Variants in RBMS1 observed in about 807,000 individuals in gnomAD.
RBMS1 encodes RNA-binding motif, single-stranded-interacting protein 1.
In RBMS1, 17 loss-of-function variants were observed where a neutral mutation model predicts 62.3. The ratio of observed to expected loss-of-function variants is 0.27; its 90% confidence interval spans 0.19 to 0.41. RBMS1 has a LOEUF of 0.41. RBMS1 is among the 10% of genes least tolerant of loss of function. The pLI, the probability that RBMS1 is intolerant of heterozygous loss-of-function variation, is 1.00. For missense variants in RBMS1, 334 were observed against 504.5 expected (o/e 0.66, Z 3.24); for synonymous variants, 172 against 170.0 (o/e 1.01, Z -0.09).
intron 2 of RBMS1, among the ~76,000 whole-genome samples, chr2:160,337,335 T>C (rs1691636153): frequency 6.6e-6 from 1 of 152,034 alleles, no homozygotes. Context: ...GGTTTCACCA[T>C]GTTGGCCAGG....
intron 1 of RBMS1, among the ~76,000 whole-genome samples, chr2:160,373,841 G>A (rs1378228608): frequency 6.6e-6 from 1 of 152,158 alleles, no homozygotes; most frequent in African/African-American, 2.4e-5. Flanking sequence ...TAATGGTGTA[G>A]TACAGTACAG....
intron 9 of RBMS1, 166 bp downstream of exon 9, chr2:160,284,609 A>AT (rs1688267826): frequency 1.6e-6 from 1 of 627,788 alleles, no homozygotes; most frequent in Non-Finnish European, 2.9e-6. Flanking sequence ...CTATACATAA[A>AT]TTGCTCTGCC....
intron 1 of RBMS1, among the ~76,000 whole-genome samples, chr2:160,457,914 G>C (rs1201834417): frequency 6.6e-6 from 1 of 151,816 alleles, no homozygotes; most frequent in Non-Finnish European, 1.5e-5. Context: ...AGGTTTCTCT[G>C]ACTCATTTTT....
chr2:160,471,718 AC>A (rs1684932105), intron 1 of RBMS1, among the ~76,000 whole-genome samples: 1 of 14,502 alleles, frequency 6.9e-5, no homozygotes, highest in African/African-American at 1.5e-4. Flanking sequence ...TATATATATA[AC>A]CTTTCATACA....
intron 1 of RBMS1, among the ~76,000 whole-genome samples, chr2:160,433,523 G>A (rs906574596): frequency 2.0e-5 from 3 of 152,218 alleles, no homozygotes; most frequent in Non-Finnish European, 4.4e-5. Flanking sequence ...TCCATTTTTA[G>A]CTTCACAATT....
chr2:160,416,546 A>G (rs1421540250), intron 1 of RBMS1, among the ~76,000 whole-genome samples: 1 of 152,138 alleles, frequency 6.6e-6, no homozygotes, highest in Non-Finnish European at 1.5e-5. Flanking sequence ...TTATCTCATT[A>G]AAGTCTAGGG....
intron 1 of RBMS1, among the ~76,000 whole-genome samples, chr2:160,386,479 T>C (rs571474537): frequency 6.6e-6 from 1 of 150,846 alleles, no homozygotes; most frequent in Admixed American, 6.6e-5. Flanking sequence ...GAGGTTGCAG[T>C]GCTGAGAGCT....
intron 6 of RBMS1, among the ~76,000 whole-genome samples, chr2:160,292,446 A>C (rs1688731671): frequency 6.6e-6 from 1 of 152,228 alleles, no homozygotes; most frequent in Non-Finnish European, 1.5e-5. Context: ...GGAGAGGGAC[A>C]CTTCTGGTTC....
At chr2:160,473,210 G>A (rs1044723098) in intron 1 of RBMS1, among the ~76,000 whole-genome samples, 11 of 152,108 alleles carry the variant, frequency 7.2e-5, no homozygotes, top group Admixed American at 5.9e-4. Context: ...CTAATGTTGC[G>A]CTCTAAGGTT....
At chr2:160,421,725 T>A (rs1574037522) in intron 1 of RBMS1, among the ~76,000 whole-genome samples, 1 of 152,250 alleles carries the variant, frequency 6.6e-6, no homozygotes, top group Non-Finnish European at 1.5e-5. Flanking sequence ...ATCGCCACAC[T>A]GTCTTCCACA....
At chr2:160,409,552 T>C (rs569320397) in intron 1 of RBMS1, among the ~76,000 whole-genome samples, 1 of 152,244 alleles carries the variant, frequency 6.6e-6, no homozygotes, top group South Asian at 2.1e-4. Flanking sequence ...AAGTATAAAA[T>C]AGAAAACATT....
chr2:160,405,910 G>C (rs1205541476), intron 1 of RBMS1, among the ~76,000 whole-genome samples: 2 of 152,154 alleles, frequency 1.3e-5, no homozygotes, highest in African/African-American at 4.8e-5. Flanking sequence ...AGTGAGGTGG[G>C]TGGGGGAGGA....
intron 1 of RBMS1, among the ~76,000 whole-genome samples, chr2:160,403,942 G>GTATTTGAGTATA (rs1252730395): frequency 6.3e-4 from 96 of 152,246 alleles, no homozygotes; most frequent in African/African-American, 2.2e-3. Context: ...ATATCTAAAA[G>GTATTTGAGTATA]CCTTTGAGTA....
At chr2:160,487,126 TAA>T (rs1685631043) in intron 1 of RBMS1, among the ~76,000 whole-genome samples, 1 of 152,222 alleles carries the variant, frequency 6.6e-6, no homozygotes, top group African/African-American at 2.4e-5. Flanking sequence ...TAAGTACTCT[TAA>T]AAGAATTTAT....
chr2:160,383,171 T>C (rs537386526), intron 1 of RBMS1, among the ~76,000 whole-genome samples: 1 of 152,290 alleles, frequency 6.6e-6, no homozygotes, highest in South Asian at 2.1e-4. Flanking sequence ...AATTAGGGTG[T>C]TAGCAGGTTA....
chr2:160,324,624 A>G (rs1690783900), intron 2 of RBMS1, among the ~76,000 whole-genome samples: 1 of 151,990 alleles, frequency 6.6e-6, no homozygotes, highest in East Asian at 1.9e-4. Context: ...GATAGTTTTC[A>G]TAATAGCTGC....
chr2:160,470,165 T>G (rs1684859742), intron 1 of RBMS1, among the ~76,000 whole-genome samples: 1 of 152,234 alleles, frequency 6.6e-6, no homozygotes, highest in Non-Finnish European at 1.5e-5. Flanking sequence ...TTATTTTTAC[T>G]TCCTAGCGTA....
At chr2:160,367,568 A>G (rs2106025117) in intron 1 of RBMS1, 177 bp from the exon 2 acceptor site, 1 of 1,155,342 alleles carries the variant, frequency 8.7e-7, no homozygotes, top group Non-Finnish European at 1.2e-6. Context: ...CTCCTTCAAC[A>G]TAAAATTGAT....
At chr2:160,278,479 G>T in intron 11 of RBMS1, 69 bp downstream of exon 11, 2 of 1,241,592 alleles carry the variant, frequency 1.6e-6, no homozygotes, top group Non-Finnish European at 2.3e-6. Context: ...ATTTGATAGG[G>T]AAGATACAGG....
Sources: allele counts gnomAD v4.1 joint callset (sites outside exome capture counted in the v4.1 genomes callset), GRCh38; gene constraint gnomAD v4.1.1; transcripts MANE v1.5; gene names NCBI Gene and HGNC (gene_info 2026-07-23, HGNC 2026-07-21).